The following RBFOX2 variants were observed in gnomAD, a reference collection of about 807,000 sequenced individuals.
RBFOX2 encodes the protein RNA binding fox-1 homolog 2, also known as RNA binding protein fox-1 homolog 2.
In RBFOX2, 10 loss-of-function variants were observed where a neutral mutation model predicts 49.1. The observed-to-expected ratio is 0.20, with a 90% CI of 0.13 to 0.35. The LOEUF is 0.35. RBFOX2 is among the 10% of genes least tolerant of loss of function. The pLI is 1.00. For missense variants in RBFOX2, 323 were observed against 486.9 expected, an observed-to-expected ratio of 0.66 and a Z score of 3.17; for synonymous variants, 183 against 187.4, an observed-to-expected ratio of 0.98 and a Z score of 0.19.
intron 1 of RBFOX2, among the ~76,000 whole-genome samples, chr22:35,857,964 G>A (rs1361819467): frequency 6.6e-6 from 1 of 152,158 alleles, no homozygotes; most frequent in Non-Finnish European, 1.5e-5. Flanking sequence ...GATATCAGAG[G>A]TGAATATATA....
At chr22:35,997,206 C>T (rs2058228429) in intron 1 of RBFOX2, 1 of 152,226 alleles carries the variant, frequency 6.6e-6, no homozygotes, top group African/African-American at 2.4e-5. Flanking sequence ...TTGATCAACA[C>T]ATATTCCTCA....
exon 1 of RBFOX2, among the ~76,000 whole-genome samples, chr22:36,028,590 G>C (rs557278660): frequency 6.7e-6 from 1 of 148,420 alleles, no homozygotes; most frequent in Non-Finnish European, 1.5e-5. Context: ...CGCGCCTCGC[G>C]GCCGCCGCTC....
At chr22:35,783,094 G>A (rs545206186) in intron 2 of RBFOX2, among the ~76,000 whole-genome samples, 34 of 152,142 alleles carry the variant, frequency 2.2e-4, no homozygotes, top group Non-Finnish European at 2.4e-4. Flanking sequence ...CCTGAGGACC[G>A]GAAAACAGTG....
At chr22:35,945,395 T>A (rs778005701) in intron 1 of RBFOX2, among the ~76,000 whole-genome samples, 1 of 151,322 alleles carries the variant, frequency 6.6e-6, no homozygotes, top group Admixed American at 6.5e-5. Context: ...TGCTATTACA[T>A]GCAAAAACTA....
In RBFOX2 at chr22:35,823,008, G is replaced by C. The variant is rs376078880; in HGVS notation, c.28-13004C>G. ...CTGGCTAATTTTTGCATTTTTAGTAGAGACAGGGTTTCACCATGTTGGCCA... is the reference window on the plus strand; with the variant it reads ...CTGGCTAATTTTTGCATTTTTAGTACAGACAGGGTTTCACCATGTTGGCCA... On this transcript the variant is annotated intron_variant, in intron 1 of 11. Transcript: ENST00000405409. Among the ~76,000 whole-genome samples, 9 of 152,166 alleles carry C rather than the reference G, an allele frequency of 5.9e-5. No homozygotes were observed. In the East Asian group the frequency reaches 1.5e-3, roughly 26 times the overall value.
chr22:35,915,032 T>TC (rs759963613), intron 1 of RBFOX2, among the ~76,000 whole-genome samples: 14 of 152,068 alleles, frequency 9.2e-5, no homozygotes, highest in Non-Finnish European at 1.8e-4. Context: ...CCACCAACCC[T>TC]CCTCCCCCTT....
intron 1 of RBFOX2, among the ~76,000 whole-genome samples, chr22:35,885,843 ATTTTTTTTTTTTTTTTTTTT>A (rs538674450): frequency 2.4e-5 from 2 of 83,146 alleles, no homozygotes; most frequent in Non-Finnish European, 4.6e-5. Context: ...CCCAAACCTA[ATTTTTTTTTTTTTTTTTTTT>A]TTTTTTTTTT....
intron 1 of RBFOX2, among the ~76,000 whole-genome samples, chr22:35,989,366 A>G (rs2057864752): frequency 6.6e-6 from 1 of 152,214 alleles, no homozygotes; most frequent in Admixed American, 6.5e-5. Context: ...AATTCTAAAA[A>G]GCATGGTACA....
chr22:35,888,834 G>A (rs1210367134), intron 1 of RBFOX2, among the ~76,000 whole-genome samples: 1 of 152,012 alleles, frequency 6.6e-6, no homozygotes, highest in Non-Finnish European at 1.5e-5. Flanking sequence ...TAAGAATAAG[G>A]TCTTTAAAAC....
intron 1 of RBFOX2, among the ~76,000 whole-genome samples, chr22:35,932,818 T>TTGCA (rs1268121267): frequency 6.6e-6 from 1 of 152,206 alleles, no homozygotes; most frequent in Non-Finnish European, 1.5e-5. Context: ...GAGGCAAATG[T>TTGCA]TGCAGTGAGC....
exon 1 of RBFOX2, chr22:36,028,343 A>G (rs1219551905): frequency 1.4e-6 from 2 of 1,468,290 alleles, no homozygotes; most frequent in Non-Finnish European, 1.8e-6. Flanking sequence ...CGGCAGCTCC[A>G]GCTCCGACTC....
Position 35,749,864 on chromosome 22 carries a change from C to G in RBFOX2, c.888-3303G>C, listed in dbSNP as rs1191219812. 1.3e-5 allele frequency among the ~76,000 whole-genome samples: 2 copies of G among 152,168 alleles called. No homozygotes were observed. The highest frequency in any genetic ancestry group is 2.9e-5 in the Non-Finnish European group (2 of 68,022). On this transcript the variant is annotated intron_variant, in intron 9 of 11. Coordinates refer to ENST00000405409, the Ensembl canonical transcript of RBFOX2. This position sits in a 1 kb window ranked among gnomAD's most constrained non-coding sequence, Gnocchi z 4.1. ...CCACATTTATTAATCACATTAAAAA[C>G]TAAGCATGCCAACATCTGGAGCTAA... is the stretch of plus-strand genomic sequence containing the variant.
chr22:35,944,486 A>AT (rs895203833), intron 1 of RBFOX2, among the ~76,000 whole-genome samples: 1 of 152,184 alleles, frequency 6.6e-6, no homozygotes, highest in South Asian at 2.1e-4. Flanking sequence ...AAAAGGTACT[A>AT]TTTTTTGTAG....
chr22:35,892,884 C>T (rs1888994877), intron 1 of RBFOX2, among the ~76,000 whole-genome samples: 1 of 152,188 alleles, frequency 6.6e-6, no homozygotes, highest in South Asian at 2.1e-4. Context: ...ACTGGCTAAA[C>T]CTACACTAAA....
intron 1 of RBFOX2, among the ~76,000 whole-genome samples, chr22:35,832,698 G>A (rs1957018896): frequency 6.6e-6 from 1 of 151,784 alleles, no homozygotes; most frequent in African/African-American, 2.4e-5. Flanking sequence ...CAGGTGTGGT[G>A]GCATGCACCC....
intron 1 of RBFOX2, among the ~76,000 whole-genome samples, chr22:35,818,946 C>T (rs1953812895): frequency 6.6e-6 from 1 of 152,184 alleles, no homozygotes; most frequent in African/African-American, 2.4e-5. Context: ...AGAAAATTCA[C>T]ATGATATACA....
intron 1 of RBFOX2, among the ~76,000 whole-genome samples, chr22:35,828,160 C>CA (rs201383680): frequency 0.063 from 4,185 of 66,346 alleles, 183 homozygotes; most frequent in African/African-American, 0.17. Context: ...GAATCTGTCT[C>CA]AAAAAAAAAA....
chr22:35,786,295 C>T (rs1042026623), intron 2 of RBFOX2, among the ~76,000 whole-genome samples: 1 of 152,156 alleles, frequency 6.6e-6, no homozygotes, highest in African/African-American at 2.4e-5. Flanking sequence ...AGTGAACACC[C>T]GTCCCCCTTG....
chr22:35,778,737 A>G (rs1009527624), intron 3 of RBFOX2, among the ~76,000 whole-genome samples: 1 of 151,936 alleles, frequency 6.6e-6, no homozygotes, highest in African/African-American at 2.4e-5. Flanking sequence ...CCTGGATTCA[A>G]GCTATTCTCC....
Sources: gnomAD v4.1 joint callset for allele counts (sites outside exome capture counted in the v4.1 genomes callset) on GRCh38, gnomAD v4.1.1 for gene constraint, Gnocchi (gnomAD v3.1) non-coding constraint, MANE v1.5 for transcripts, NCBI Gene and HGNC (gene_info 2026-07-23, HGNC 2026-07-21) for gene names.